Variants in AKAP7 observed in about 807,000 individuals in gnomAD.
AKAP7 encodes the protein A kinase (PRKA) anchor protein 7.
In AKAP7, 39 loss-of-function variants were observed where a neutral mutation model predicts 39.5. The ratio of observed to expected loss-of-function variants is 0.99; its 90% CI spans 0.76 to 1.29. The LOEUF (loss-of-function observed/expected upper bound fraction) is 1.29, where lower values mean the gene tolerates loss of function less well. AKAP7 is among the 50% of genes most tolerant of loss of function. The pLI is 0.00. For missense variants in AKAP7, 414 were observed against 407.7 expected, an observed-to-expected ratio of 1.02 and a Z score of -0.13; for synonymous variants, 140 against 139.1, an observed-to-expected ratio of 1.01 and a Z score of -0.05.
chr6:131,153,234 T>TAAAACTGTACTGTAGCAATAAATACAGG (rs1802104426), intron 2 of AKAP7, among the ~76,000 whole-genome samples: 1 of 152,148 alleles, frequency 6.6e-6, no homozygotes, highest in Non-Finnish European at 1.5e-5. Context: ...CAAGGGTTGG[T>TAAAACTGTACTGTAGCAATAAATACAGG]AAAACTGTAC....
intron 7 of AKAP7, among the ~76,000 whole-genome samples, chr6:131,228,686 T>G (rs1040994861): frequency 6.6e-6 from 1 of 152,126 alleles, no homozygotes; most frequent in African/African-American, 2.4e-5. Context: ...TCACCAGTTC[T>G]TAGAATTTGG....
intron 6 of AKAP7, among the ~76,000 whole-genome samples, chr6:131,214,442 C>A (rs189531891): frequency 6.6e-6 from 1 of 152,006 alleles, no homozygotes; most frequent in African/African-American, 2.4e-5. Flanking sequence ...ACTGAATAGA[C>A]GCTTTAGCAT....
chr6:131,152,063 G>A (rs1801965176), intron 2 of AKAP7, among the ~76,000 whole-genome samples: 3 of 151,650 alleles, frequency 2.0e-5, no homozygotes, highest in African/African-American at 4.9e-5. Flanking sequence ...ACAAATACAC[G>A]AATCAGAGAG....
chr6:131,147,910 C>T (rs971668581), intron 2 of AKAP7, among the ~76,000 whole-genome samples: 4 of 152,166 alleles, frequency 2.6e-5, no homozygotes, highest in African/African-American at 7.2e-5. Context: ...CTTCTACTAG[C>T]GATGGAAAGC....
At chr6:131,161,730 A>G (rs1488890497) in intron 3 of AKAP7, among the ~76,000 whole-genome samples, 3 of 150,854 alleles carry the variant, frequency 2.0e-5, no homozygotes, top group Non-Finnish European at 4.4e-5. Context: ...TAGGCAATAC[A>G]AAGTTAGTGT....
chr6:131,258,901 C>G (rs1322766242), intron 7 of AKAP7, among the ~76,000 whole-genome samples: 2 of 152,080 alleles, frequency 1.3e-5, no homozygotes, highest in Non-Finnish European at 2.9e-5. Context: ...GATATACAAA[C>G]AAGATGCTTG....
rs1250209722 is a variant in AKAP7 at position 131,283,502 on chromosome 6, A to T, written c.*1776A>T. The T allele has an allele frequency of 6.6e-6, 1 of 152,226 alleles. No homozygotes were observed. The highest frequency in any genetic ancestry group is 1.5e-5 in the Non-Finnish European group (1 of 68,032). 9.4% of individuals were successfully genotyped at this position (152,226 alleles called of 1,614,324 possible). The stretch of plus-strand genomic sequence containing the variant: ...TTTACAAATGAGTTTATGCATTTTC[A>T]TGGCTCTTAATAAACATATTGTTTT... On this transcript the variant is annotated 3_prime_UTR_variant, in exon 8 of 8. Transcript: ENST00000431975.
chr6:131,262,031 G>A (rs1199630806), intron 7 of AKAP7, among the ~76,000 whole-genome samples: 1 of 152,162 alleles, frequency 6.6e-6, no homozygotes, highest in Admixed American at 6.5e-5. Flanking sequence ...CCAAGGAGGT[G>A]TCCCAGTAAC....
rs1273721995 is a variant in AKAP7, at chr6:131,282,632, G to C, written c.*906G>C. 6.6e-7 allele frequency: 1 copy of C among 1,505,242 alleles called. No homozygotes were observed. Among genetic ancestry groups the C allele is most frequent in the South Asian group, 1.2e-5 (1 of 82,214 alleles). The allele number at this position is 1,505,242 out of a possible 1,614,324, so 93.2% of individuals were successfully genotyped here. On this transcript the variant is annotated 3_prime_UTR_variant, in exon 8 of 8. Coordinates refer to ENST00000431975, the MANE Select transcript of AKAP7 (RefSeq NM_016377.4). The stretch of plus-strand genomic sequence containing the variant: ...TCTACATTGCGATTGTGACAACATA[G>C]CTTATGAAATCTTTTCAGCTTATTA...
chr6:131,199,515 G>A lies in AKAP7; in HGVS notation c.644G>A (p.Ser215Asn), dbSNP rs1190788. Residue 215 changes from serine to asparagine, a missense_variant, in exon 6 of 8, where the codon AGT becomes AAT. Transcript: ENST00000431975. ...GGCATCCTGGTAGGAGAGAGCAGAAGTTTTAAACCTCATTTGACCTTCATG... is the reference window on the plus strand; with the variant it reads ...GGCATCCTGGTAGGAGAGAGCAGAAATTTTAAACCTCATTTGACCTTCATG... ...EKGILVGESR[S>N]FKPHLTFMKL... is the part of the protein sequence containing the mutation. The A allele has an allele frequency of 0.32, 519,896 of 1,608,100 alleles. 88,972 individuals are homozygous for A. Among genetic ancestry groups the A allele is most frequent in the Non-Finnish European group, 0.35 (413,529 of 1,175,168 alleles).
intron 7 of AKAP7, among the ~76,000 whole-genome samples, chr6:131,227,645 A>G (rs556653099): frequency 6.6e-6 from 1 of 152,324 alleles, no homozygotes; most frequent in South Asian, 2.1e-4. Flanking sequence ...GAAGAAGCAA[A>G]GATCTCCATT....
rs182970286 is a variant in AKAP7, at chr6:131,145,845, T to C, written c.151+429T>C. On this transcript the variant is annotated intron_variant, in intron 2 of 7. Coordinates refer to ENST00000431975, the MANE Select transcript of AKAP7 (RefSeq NM_016377.4). ...CTGGGATTACAGATGTGAATGATCG[T>C]GCCGCGCCAAGTCTTGTTTTTTATT... 4.6e-5 allele frequency among the ~76,000 whole-genome samples: 7 copies of C among 152,284 alleles called. No individual in the cohort carries two copies. The East Asian group carries it at 1.3e-3, about 29-fold the overall frequency.
In AKAP7 at chr6:131,208,850, C is replaced by T. The variant is rs968330458; in HGVS notation, c.702+9277C>T. Among the ~76,000 whole-genome samples the T allele has an allele frequency of 3.3e-5, 5 of 152,320 alleles. No homozygotes were observed. In the Middle Eastern group the frequency reaches 0.014, roughly 414 times the overall value. On this transcript the variant is annotated intron_variant, in intron 6 of 7. Transcript: ENST00000431975. ...CTCCATCTAGGACTTTTCTGCTCTT[C>T]TGGCAAAAGGAAAGAGAGTTGGTGA...
At chr6:131,173,639 A>G (rs553877783) in intron 5 of AKAP7, among the ~76,000 whole-genome samples, 2 of 152,344 alleles carry the variant, frequency 1.3e-5, no homozygotes, top group Admixed American at 1.3e-4. Context: ...GGCAACTCTA[A>G]TTGTTCTGAG....
At chr6:131,142,509 G>A (rs945322028) in intron 1 of AKAP7, among the ~76,000 whole-genome samples, 2 of 152,174 alleles carry the variant, frequency 1.3e-5, no homozygotes, top group African/African-American at 4.8e-5. Flanking sequence ...ATAAATGCAA[G>A]AGTGAAGGAG....
At chr6:131,130,684 C>T (rs1800306932), upstream of AKAP7, among the ~76,000 whole-genome samples, 2 of 152,150 alleles carry the variant, frequency 1.3e-5, no homozygotes, top group South Asian at 2.1e-4. Context: ...AGCTGATGTG[C>T]GCGAGGGCAG....
At chr6:131,185,229 CAG>C (rs985433785) in intron 5 of AKAP7, 11 of 470,736 alleles carry the variant, frequency 2.3e-5, no homozygotes, top group Non-Finnish European at 4.0e-5. Flanking sequence ...TGGATCTTCA[CAG>C]GGGTGGGCTC....
In AKAP7 at chr6:131,190,166, T is replaced by G. The variant is rs559740814; in HGVS notation, c.590-9295T>G. Among the ~76,000 whole-genome samples the G allele has an allele frequency of 2.6e-5, 4 of 152,314 alleles. No homozygotes were observed. The South Asian group carries it at 8.3e-4, about 32-fold the overall frequency. On this transcript the variant is annotated intron_variant, in intron 5 of 7. Coordinates refer to ENST00000431975, the MANE Select transcript of AKAP7 (RefSeq NM_016377.4). ...ACTTTTCAAAAAGAAGGCATTTTCT[T>G]TTTCCCCACTTCTATGTACCTATGG...
Position 131,282,557 on chromosome 6 carries a change from A to C in AKAP7, c.*831A>C. 1 of 1,535,870 alleles carries C rather than the reference A, an allele frequency of 6.5e-7. No homozygotes were observed. The highest frequency in any genetic ancestry group is 8.7e-7 in the Non-Finnish European group (1 of 1,146,780). ...GCTTTTTGAAGGAAGACTTATTAAC[A>C]ACAGTAATTCAGCAAATGACGTTGA... is the stretch of plus-strand genomic sequence containing the variant. On this transcript the variant is annotated 3_prime_UTR_variant, in exon 8 of 8. Transcript: ENST00000431975.
Sources: allele counts gnomAD v4.1 joint callset (sites outside exome capture counted in the v4.1 genomes callset), GRCh38; gene constraint gnomAD v4.1.1; transcripts MANE v1.5; gene names NCBI Gene and HGNC (gene_info 2026-07-23, HGNC 2026-07-21).